Variants in SULF1 observed in about 807,000 individuals in gnomAD.
SULF1 encodes extracellular sulfatase Sulf-1.
In SULF1, 46 loss-of-function variants were observed where a neutral mutation model predicts 110.5. The observed-to-expected ratio is 0.42, with a 90% CI of 0.33 to 0.53. The LOEUF is 0.53. Among genes scored for constraint, SULF1 ranks in the 20% least tolerant of loss-of-function variants. SULF1 has a pLI of 0.12. For missense variants in SULF1, 941 were observed against 1,094.2 expected, an observed-to-expected ratio of 0.86 and a Z score of 1.98; for synonymous variants, 371 against 387.1, an observed-to-expected ratio of 0.96 and a Z score of 0.49.
chr8:69,526,827 AAGGAAGGAAGGAAGGG>A lies in SULF1; in HGVS notation c.-134+24875_-134+24890del, dbSNP rs1432788129. Reference sequence around the variant, plus strand: ...GAAGGAAGGAAGGAAGGAAGGAAGGAAGGAAGGAAGGAAGGGAGGAAGGAAGGAAGGAAAGAAGGAG... The same window carrying A: ...GAAGGAAGGAAGGAAGGAAGGAAGGAAGGAAGGAAGGAAGGAAAGAAGGAG... On this transcript the variant is annotated intron_variant, in intron 3 of 22. Transcript: ENST00000402687. Among the ~76,000 whole-genome samples the A allele has an allele frequency of 5.6e-3, 827 of 146,638 alleles. 12 individuals carry two copies. Among genetic ancestry groups the A allele is most frequent in the African/African-American group, 0.02 (769 of 39,074 alleles).
At chr8:69,564,777 T>C (rs953206098) in intron 5 of SULF1, among the ~76,000 whole-genome samples, 2 of 152,228 alleles carry the variant, frequency 1.3e-5, no homozygotes, top group African/African-American at 4.8e-5. Flanking sequence ...CTGGGTTTCT[T>C]ACCTTCTCAC....
intron 3 of SULF1, among the ~76,000 whole-genome samples, chr8:69,509,808 A>G (rs1022669988): frequency 6.6e-6 from 1 of 152,220 alleles, no homozygotes. Flanking sequence ...AATGTCATAT[A>G]CAGTATCAGC....
intron 3 of SULF1, among the ~76,000 whole-genome samples, chr8:69,511,781 G>A (rs1230434682): frequency 6.6e-6 from 1 of 152,118 alleles, no homozygotes; most frequent in Non-Finnish European, 1.5e-5. Flanking sequence ...TATGGGTTTG[G>A]ACAAATGTAT....
chr8:69,640,890 C>T, intron 22 of SULF1, 49 bp downstream of exon 22: 1 of 1,576,220 alleles, frequency 6.3e-7, no homozygotes. Context: ...CCAATAATTG[C>T]ATGATCCAGT....
chr8:69,543,988 G>T (rs913724537), intron 3 of SULF1, among the ~76,000 whole-genome samples: 7 of 152,200 alleles, frequency 4.6e-5, no homozygotes, highest in Admixed American at 4.6e-4. Context: ...GAAACACTTT[G>T]AGGATCATAG....
chr8:69,602,558 C>T (rs1447992040), intron 10 of SULF1, among the ~76,000 whole-genome samples: 1 of 152,236 alleles, frequency 6.6e-6, no homozygotes, highest in African/African-American at 2.4e-5. Context: ...GCGTCAGTGC[C>T]CCTCTCAGAT....
At position 69,480,317 on chromosome 8, in the gene SULF1, C is replaced by G. The variant is rs12542122; in HGVS notation, c.-391+13367C>G. On this transcript the variant is annotated intron_variant, in intron 1 of 22. Transcript: ENST00000260128. ...AAGCTGAGGGACAGCATGCCATTTGCCTGAGTCTAAACACCTGAGTGAGGT... is the reference window on the plus strand; with the variant it reads ...AAGCTGAGGGACAGCATGCCATTTGGCTGAGTCTAAACACCTGAGTGAGGT... Among the ~76,000 whole-genome samples, 1,274 of 152,244 alleles carry G rather than the reference C, an allele frequency of 8.4e-3. 33 individuals carry two copies. Among genetic ancestry groups the G allele is most frequent in the East Asian group, 0.058 (298 of 5,176 alleles).
At chr8:69,598,104 T>C (rs2130366262) in intron 8 of SULF1, among the ~76,000 whole-genome samples, 1 of 111,564 alleles carries the variant, frequency 9.0e-6, no homozygotes, top group East Asian at 2.2e-4. Flanking sequence ...AAGAACTCTT[T>C]CAGGCCAAAA....
intron 13 of SULF1, among the ~76,000 whole-genome samples, chr8:69,611,968 C>T (rs1410211448): frequency 6.6e-6 from 1 of 151,958 alleles, no homozygotes; most frequent in African/African-American, 2.4e-5. Context: ...GTATACTATA[C>T]CCAGTTTGTA....
At chr8:69,598,737 G>A (rs190040976) in intron 8 of SULF1, among the ~76,000 whole-genome samples, 1 of 152,248 alleles carries the variant, frequency 6.6e-6, no homozygotes, top group Non-Finnish European at 1.5e-5. Context: ...ATTTACAGAT[G>A]AGCACATTTG....
At chr8:69,479,449 A>G (rs1030335392) in intron 1 of SULF1, among the ~76,000 whole-genome samples, 1 of 152,188 alleles carries the variant, frequency 6.6e-6, no homozygotes, top group Non-Finnish European at 1.5e-5. Context: ...AATTTTGTCT[A>G]GGAATGGCAT....
chr8:69,501,196 T>C (rs944956877), intron 2 of SULF1, among the ~76,000 whole-genome samples: 1 of 152,058 alleles, frequency 6.6e-6, no homozygotes, highest in African/African-American at 2.4e-5. Context: ...AAATAAGAGG[T>C]CTCATTTCCT....
At position 69,603,231 on chromosome 8, in the gene SULF1, G is replaced by A. The variant is rs146417849; in HGVS notation, c.1101G>A (p.Thr367=). 133 of 1,614,086 alleles carry A rather than the reference G, an allele frequency of 8.2e-5. No homozygotes were observed. Among genetic ancestry groups the A allele is most frequent in the Non-Finnish European group, 9.7e-5 (115 of 1,180,028 alleles). ...QIVLNIDLAP[T]ILDIAGLDTP... ...TTCTCAACATTGACTTGGCCCCCACGATCCTGGATATTGCTGGGCTCGACA... is the reference window on the plus strand; with the variant it reads ...TTCTCAACATTGACTTGGCCCCCACAATCCTGGATATTGCTGGGCTCGACA... Residue 367 remains threonine, a synonymous_variant, in exon 11 of 23, where the codon ACG becomes ACA. Transcript: ENST00000402687.
chr8:69,484,444 C>T (rs1029507602), intron 1 of SULF1, among the ~76,000 whole-genome samples: 4 of 152,102 alleles, frequency 2.6e-5, no homozygotes, highest in African/African-American at 9.7e-5. Flanking sequence ...AAGACAGGAC[C>T]TAAAAATTAA....
intron 3 of SULF1, among the ~76,000 whole-genome samples, chr8:69,536,627 A>C (rs1331722288): frequency 6.6e-6 from 1 of 152,162 alleles, no homozygotes; most frequent in African/African-American, 2.4e-5. Flanking sequence ...TAAAATAATC[A>C]CTTAACAAAC....
intron 1 of SULF1, among the ~76,000 whole-genome samples, chr8:69,484,866 T>TTCC (rs1364749982): frequency 2.6e-5 from 3 of 115,492 alleles, no homozygotes; most frequent in Non-Finnish European, 3.8e-5. Context: ...TCTTCTTTTC[T>TTCC]TCCTCCTCCT....
At chr8:69,519,809 G>T (rs1812169854) in intron 3 of SULF1, among the ~76,000 whole-genome samples, 1 of 152,054 alleles carries the variant, frequency 6.6e-6, no homozygotes, top group Non-Finnish European at 1.5e-5. Flanking sequence ...CATTGAGTTG[G>T]TCTTTTAAAA....
chr8:69,530,546 T>C (rs569392018), intron 3 of SULF1, among the ~76,000 whole-genome samples: 1 of 152,278 alleles, frequency 6.6e-6, no homozygotes, highest in African/African-American at 2.4e-5. Context: ...CTGTTCTGCT[T>C]TGACTTCTCT....
chr8:69,606,829 A>T (rs906950831), intron 13 of SULF1, among the ~76,000 whole-genome samples: 32 of 152,204 alleles, frequency 2.1e-4, no homozygotes, highest in African/African-American at 7.5e-4. Flanking sequence ...TTTCGCTGTG[A>T]ATCAGTCTGA....
Sources: gnomAD v4.1 joint callset for allele counts (sites outside exome capture counted in the v4.1 genomes callset) on GRCh38, gnomAD v4.1.1 for gene constraint, MANE v1.5 for transcripts, NCBI Gene and HGNC (gene_info 2026-07-23, HGNC 2026-07-21) for gene names.